Variants in ZSCAN4 observed in about 807,000 individuals in gnomAD.
The protein encoded by ZSCAN4 is zinc finger and SCAN domain-containing protein 4.
ZSCAN4 carries 18 observed loss-of-function variants against 18.3 expected under a neutral mutation model. That is an observed-to-expected ratio of 0.98 (90% confidence interval 0.68 to 1.46). The LOEUF (loss-of-function observed/expected upper bound fraction) is 1.46, where lower values mean the gene tolerates loss of function less well. Ranked by LOEUF, ZSCAN4 falls within the 40% of genes most tolerant of loss-of-function variation. ZSCAN4 has a pLI of 0.00. For synonymous variants in ZSCAN4, 193 were observed against 180.3 expected, an observed-to-expected ratio of 1.07 and a Z score of -0.57; for missense variants, 498 against 511.4, an observed-to-expected ratio of 0.97 and a Z score of 0.25.
At chr19:57,660,840 G>A in the ZSCAN4 span, among the ~76,000 whole-genome samples, 79,296 of 151,876 alleles carry the variant, frequency 0.52, 21,998 homozygotes, top group African/African-American at 0.72. Context: ...TAGAGGCTGT[G>A]AGTGAAGGGC....
chr19:57,666,275 A>T (rs1434262842), upstream of ZSCAN4, among the ~76,000 whole-genome samples: 1 of 152,056 alleles, frequency 6.6e-6, no homozygotes, highest in African/African-American at 2.4e-5. Context: ...CCTCCATGAG[A>T]TCCTGCAGCT....
At chr19:57,657,638 C>A in the ZSCAN4 span, among the ~76,000 whole-genome samples, 3 of 152,108 alleles carry the variant, frequency 2.0e-5, no homozygotes, top group African/African-American at 7.2e-5. Flanking sequence ...GAGATGGAAA[C>A]GTGTCCATAG....
upstream of ZSCAN4, chr19:57,664,172 GGAGGAAGGGAGGAAGGGAGGACGA>G (rs1405479773): frequency 3.3e-5 from 5 of 151,626 alleles, no homozygotes; most frequent in African/African-American, 9.7e-5. Context: ...AGGAAGGAAG[GGAGGAAGGGAGGAAGGGAGGACGA>G]GAGGAAGGGA....
chr19:57,663,804 T>G, the ZSCAN4 span, among the ~76,000 whole-genome samples: 104 of 152,078 alleles, frequency 6.8e-4, no homozygotes, highest in Non-Finnish European at 1.2e-3. Context: ...TGTTTAAATT[T>G]TATTGAATTG....
chr19:57,665,319 A>G (rs557833124), upstream of ZSCAN4, among the ~76,000 whole-genome samples: 2 of 152,194 alleles, frequency 1.3e-5, no homozygotes, highest in African/African-American at 4.8e-5. Flanking sequence ...GAGTGTATCT[A>G]CTTGGCTTCT....
chr19:57,675,227 A>C (rs1316460069), intron 2 of ZSCAN4, among the ~76,000 whole-genome samples: 1 of 146,226 alleles, frequency 6.8e-6, no homozygotes, highest in Non-Finnish European at 1.5e-5. Flanking sequence ...GACTCACTGC[A>C]ATCTCCACCT....
At chr19:57,678,456 T>C in exon 5 of ZSCAN4, 1 of 1,614,090 alleles carries the variant, frequency 6.2e-7, no homozygotes, top group Non-Finnish European at 8.5e-7. Flanking sequence ...CTCCCCTGAG[T>C]CTGCCCTTAC....
upstream of ZSCAN4, among the ~76,000 whole-genome samples, chr19:57,668,156 G>A (rs1384338469): frequency 5.9e-5 from 9 of 152,028 alleles, no homozygotes; most frequent in East Asian, 2.0e-4. Flanking sequence ...CACCCGCCTC[G>A]GCCTCCCAAA....
upstream of ZSCAN4, among the ~76,000 whole-genome samples, chr19:57,667,883 T>G (rs12976439): frequency 0.4 from 48,949 of 121,818 alleles, 8,256 homozygotes; most frequent in Non-Finnish European, 0.45. Context: ...ATTGTTTTTT[T>G]TTTGTTTGTT....
chr19:57,661,170 A>G, the ZSCAN4 span, among the ~76,000 whole-genome samples: 1 of 152,232 alleles, frequency 6.6e-6, no homozygotes, highest in Non-Finnish European at 1.5e-5. Context: ...TAATATTAAA[A>G]TATTTTAATG....
At chr19:57,668,584 C>T (rs372433574), upstream of ZSCAN4, among the ~76,000 whole-genome samples, 32 of 152,268 alleles carry the variant, frequency 2.1e-4, no homozygotes, top group East Asian at 3.9e-3. Flanking sequence ...GCTCCCACCC[C>T]TTCGATACGT....
At chr19:57,671,436 G>A (rs1773864061) in intron 2 of ZSCAN4, among the ~76,000 whole-genome samples, 1 of 151,094 alleles carries the variant, frequency 6.6e-6, no homozygotes, top group South Asian at 2.1e-4. Context: ...GAAAGGGTGG[G>A]TAATCCAAAA....
the ZSCAN4 span, among the ~76,000 whole-genome samples, chr19:57,652,839 C>A: frequency 6.6e-6 from 1 of 152,180 alleles, no homozygotes; most frequent in South Asian, 2.1e-4. Flanking sequence ...ACAGACCCTG[C>A]CTCCTTCTGT....
At chr19:57,666,400 C>T (rs1983849026), upstream of ZSCAN4, among the ~76,000 whole-genome samples, 1 of 152,092 alleles carries the variant, frequency 6.6e-6, no homozygotes, top group Non-Finnish European at 1.5e-5. Context: ...CCAAGTGCGG[C>T]CACCTACGGG....
exon 4 of ZSCAN4, chr19:57,678,018 A>G (rs1402458708): frequency 6.2e-7 from 1 of 1,602,226 alleles, no homozygotes; most frequent in Non-Finnish European, 8.5e-7. Context: ...AAACCACAAG[A>G]GAAGCAAACA....
At chr19:57,668,451 C>A (rs183280675), upstream of ZSCAN4, among the ~76,000 whole-genome samples, 183 of 152,242 alleles carry the variant, frequency 1.2e-3, 1 homozygote, top group African/African-American at 3.8e-3. Context: ...GGAAGTCAAG[C>A]AGACATTTCA....
upstream of ZSCAN4, chr19:57,664,583 A>T (rs1184970625): frequency 1.3e-5 from 2 of 157,318 alleles, no homozygotes; most frequent in African/African-American, 4.8e-5. Flanking sequence ...CGGGGCAGGG[A>T]GCGCTCAGCG....
At chr19:57,658,289 C>A in the ZSCAN4 span, among the ~76,000 whole-genome samples, 3 of 152,072 alleles carry the variant, frequency 2.0e-5, no homozygotes, top group Non-Finnish European at 4.4e-5. Flanking sequence ...ACTCAAGTGG[C>A]AAAATGCAAA....
chr19:57,667,107 A>T (rs1983876238), upstream of ZSCAN4, among the ~76,000 whole-genome samples: 1 of 152,148 alleles, frequency 6.6e-6, no homozygotes, highest in Non-Finnish European at 1.5e-5. Flanking sequence ...TGATCAGAAA[A>T]GCATTTGATA....
Sources: gnomAD v4.1 joint callset for allele counts (sites outside exome capture counted in the v4.1 genomes callset) on GRCh38, gnomAD v4.1.1 for gene constraint, MANE v1.5 for transcripts, NCBI Gene and HGNC (gene_info 2026-07-23, HGNC 2026-07-21) for gene names.